The following MGAT4C variants were observed in gnomAD, a reference collection of about 807,000 sequenced individuals.
MGAT4C encodes MGAT4 family member C.
Under a neutral mutation model 40.1 loss-of-function variants are expected in MGAT4C, and 19 were observed. The observed-to-expected ratio is 0.47, with a 90% CI of 0.33 to 0.70. MGAT4C has a LOEUF of 0.70. Among genes scored for constraint, MGAT4C ranks in the 30% least tolerant of loss-of-function variants. The pLI is 0.02. For synonymous variants in MGAT4C, 181 were observed against 187.1 expected (o/e 0.97, Z 0.27); for missense variants, 491 against 563.2 (o/e 0.87, Z 1.30).
chr12:86,416,555 C>T (rs565132300), intron 3 of MGAT4C, among the ~76,000 whole-genome samples: 3 of 152,142 alleles, frequency 2.0e-5, no homozygotes, highest in East Asian at 1.9e-4. Context: ...AGACTAAATG[C>T]TCACATTTGG....
chr12:86,093,508 C>T (rs546474114), intron 1 of MGAT4C, among the ~76,000 whole-genome samples: 47 of 152,154 alleles, frequency 3.1e-4, no homozygotes, highest in African/African-American at 1.1e-3. Context: ...GCAGGTGGAT[C>T]ACCTGAGCTC....
At chr12:86,715,557 G>C (rs535762048) in intron 2 of MGAT4C, among the ~76,000 whole-genome samples, 1 of 152,228 alleles carries the variant, frequency 6.6e-6, no homozygotes, top group African/African-American at 2.4e-5. Context: ...TGTGGTTTGT[G>C]CAAACATCAA....
At chr12:86,775,508 C>A (rs561138003) in intron 1 of MGAT4C, among the ~76,000 whole-genome samples, 1 of 151,216 alleles carries the variant, frequency 6.6e-6, no homozygotes, top group East Asian at 1.9e-4. Context: ...AAGGCATTGT[C>A]CTGGCTTGCC....
At chr12:86,464,033 AT>A (rs1957641063) in intron 2 of MGAT4C, among the ~76,000 whole-genome samples, 1 of 152,140 alleles carries the variant, frequency 6.6e-6, no homozygotes, top group African/African-American at 2.4e-5. Flanking sequence ...TGTGTTTTTA[AT>A]TTAGCCAGCT....
intron 1 of MGAT4C, among the ~76,000 whole-genome samples, chr12:86,219,923 G>A (rs1345614936): frequency 6.6e-6 from 1 of 152,034 alleles, no homozygotes; most frequent in East Asian, 1.9e-4. Context: ...GTATGTTTTT[G>A]CAAGATAAAA....
intron 1 of MGAT4C, among the ~76,000 whole-genome samples, chr12:86,230,902 T>C (rs1951293553): frequency 6.6e-6 from 1 of 151,492 alleles, no homozygotes; most frequent in East Asian, 1.9e-4. Context: ...CTAATTTACG[T>C]GCCAAACGGG....
At chr12:86,089,650 C>G (rs1308816176) in intron 1 of MGAT4C, among the ~76,000 whole-genome samples, 1 of 151,738 alleles carries the variant, frequency 6.6e-6, no homozygotes, top group Non-Finnish European at 1.5e-5. Flanking sequence ...AATTATTCAT[C>G]TTTTTACCAT....
chr12:86,560,822 A>G (rs1959827079), intron 2 of MGAT4C, among the ~76,000 whole-genome samples: 1 of 152,294 alleles, frequency 6.6e-6, no homozygotes, highest in East Asian at 1.9e-4. Flanking sequence ...GAAATAAAAC[A>G]TAACAAAACT....
intron 1 of MGAT4C, among the ~76,000 whole-genome samples, chr12:86,234,450 C>G (rs1001464000): frequency 6.6e-6 from 1 of 152,134 alleles, no homozygotes; most frequent in Admixed American, 6.5e-5. Flanking sequence ...GAGAGAAACT[C>G]TCCATCAAGT....
chr12:86,667,465 C>T (rs1964140530), intron 2 of MGAT4C, among the ~76,000 whole-genome samples: 1 of 152,158 alleles, frequency 6.6e-6, no homozygotes, highest in Non-Finnish European at 1.5e-5. Context: ...ATTATCTGAA[C>T]AAGCAAGCAA....
At chr12:86,739,917 A>G (rs1951043200) in intron 1 of MGAT4C, among the ~76,000 whole-genome samples, 1 of 150,872 alleles carries the variant, frequency 6.6e-6, no homozygotes, top group Non-Finnish European at 1.5e-5. Flanking sequence ...TATTATATAT[A>G]TATATGTTTC....
At chr12:86,783,905 T>C (rs1951887629) in intron 1 of MGAT4C, among the ~76,000 whole-genome samples, 1 of 152,170 alleles carries the variant, frequency 6.6e-6, no homozygotes. Flanking sequence ...GAAGACTTTA[T>C]CAATCTTCCT....
At chr12:86,455,729 C>CA (rs763912488) in intron 2 of MGAT4C, among the ~76,000 whole-genome samples, 6 of 151,934 alleles carry the variant, frequency 3.9e-5, no homozygotes, top group Non-Finnish European at 8.8e-5. Flanking sequence ...ATTTTGTAGG[C>CA]AAAAATGTGG....
chr12:86,738,511 C>G (rs1318978753), intron 1 of MGAT4C, among the ~76,000 whole-genome samples: 1 of 151,246 alleles, frequency 6.6e-6, no homozygotes, highest in African/African-American at 2.4e-5. Flanking sequence ...AAAGCTGATA[C>G]ACAGAGCAGG....
At chr12:86,105,700 T>C (rs1047102675) in intron 1 of MGAT4C, among the ~76,000 whole-genome samples, 5 of 152,194 alleles carry the variant, frequency 3.3e-5, no homozygotes, top group Non-Finnish European at 7.4e-5. Context: ...TGTTAATTAC[T>C]ATTCCTTTAC....
intron 2 of MGAT4C, among the ~76,000 whole-genome samples, chr12:86,595,182 G>A (rs1466152595): frequency 6.6e-6 from 1 of 152,232 alleles, no homozygotes; most frequent in Non-Finnish European, 1.5e-5. Context: ...CTGCTGGTCT[G>A]TGGATTACTC....
intron 2 of MGAT4C, among the ~76,000 whole-genome samples, chr12:86,631,430 A>G (rs1360861309): frequency 2.0e-5 from 3 of 152,126 alleles, no homozygotes; most frequent in Admixed American, 1.3e-4. Flanking sequence ...GAACCAAAAA[A>G]GAGCCCGCAT....
At chr12:86,128,373 G>A (rs779834062) in intron 1 of MGAT4C, among the ~76,000 whole-genome samples, 5 of 152,024 alleles carry the variant, frequency 3.3e-5, no homozygotes, top group South Asian at 2.1e-4. Context: ...TCCCCATACC[G>A]TTCTCATGGT....
chr12:86,732,019 A>AT (rs1432807860), intron 1 of MGAT4C, among the ~76,000 whole-genome samples: 1 of 152,116 alleles, frequency 6.6e-6, no homozygotes, highest in Non-Finnish European at 1.5e-5. Flanking sequence ...GCCTAGGTTT[A>AT]TGCAGGGATT....
Sources: gnomAD v4.1 joint callset for allele counts (sites outside exome capture counted in the v4.1 genomes callset) on GRCh38, gnomAD v4.1.1 for gene constraint, MANE v1.5 for transcripts, NCBI Gene and HGNC (gene_info 2026-07-23, HGNC 2026-07-21) for gene names.